UNC5D: variants seen among roughly 807,000 people sequenced by gnomAD.
UNC5D encodes the protein netrin receptor UNC5D.
In UNC5D, 39 loss-of-function variants were observed where a neutral mutation model predicts 105.4. The ratio of observed to expected loss-of-function variants is 0.37; its 90% confidence interval spans 0.29 to 0.48. The LOEUF (loss-of-function observed/expected upper bound fraction) is 0.48, where lower values mean the gene tolerates loss of function less well. Among genes scored for constraint, UNC5D ranks in the 20% least tolerant of loss-of-function variants. UNC5D has a pLI of 0.98. For missense variants in UNC5D, 991 were observed against 1,202.4 expected (o/e 0.82, Z 2.60); for synonymous variants, 452 against 450.4 (o/e 1.00, Z -0.04).
At chr8:35,405,374 G>A (rs563883703) in intron 1 of UNC5D, among the ~76,000 whole-genome samples, 1 of 152,284 alleles carries the variant, frequency 6.6e-6, no homozygotes, top group South Asian at 2.1e-4. Flanking sequence ...AAATTCCATA[G>A]ACTGAATAGA....
chr8:35,506,900 G>C (rs927605437), intron 1 of UNC5D, among the ~76,000 whole-genome samples: 2 of 152,102 alleles, frequency 1.3e-5, no homozygotes, highest in African/African-American at 4.8e-5. Flanking sequence ...TGTCAAACTC[G>C]AGGAGCAAAT....
intron 1 of UNC5D, among the ~76,000 whole-genome samples, chr8:35,275,045 C>T (rs1275373544): frequency 6.6e-6 from 1 of 151,578 alleles, no homozygotes; most frequent in African/African-American, 2.4e-5. Context: ...GAGCCAAGAT[C>T]GCACCACTGC....
intron 11 of UNC5D, among the ~76,000 whole-genome samples, chr8:35,739,314 G>C (rs1829632265): frequency 6.6e-6 from 1 of 152,002 alleles, no homozygotes; most frequent in Non-Finnish European, 1.5e-5. Flanking sequence ...CAAAATAAGT[G>C]AGCAGAGGAA....
At chr8:35,242,296 G>C (rs1186319861) in intron 1 of UNC5D, among the ~76,000 whole-genome samples, 1 of 152,102 alleles carries the variant, frequency 6.6e-6, no homozygotes, top group Non-Finnish European at 1.5e-5. Context: ...AGTCAGAGGG[G>C]AAATGACATC....
At chr8:35,426,656 A>G (rs1337262787) in intron 1 of UNC5D, among the ~76,000 whole-genome samples, 1 of 152,204 alleles carries the variant, frequency 6.6e-6, no homozygotes, top group African/African-American at 2.4e-5. Flanking sequence ...TTATTTGTAC[A>G]GTTACCATCC....
intron 1 of UNC5D, among the ~76,000 whole-genome samples, chr8:35,372,311 G>A (rs1802467789): frequency 6.6e-6 from 1 of 151,920 alleles, no homozygotes; most frequent in South Asian, 2.1e-4. Flanking sequence ...TTTTGGTAGA[G>A]ACAGGGTTTT....
chr8:35,325,265 T>C (rs1363898806), intron 1 of UNC5D, among the ~76,000 whole-genome samples: 1 of 152,186 alleles, frequency 6.6e-6, no homozygotes. Context: ...GCATTAGGGA[T>C]GAATAAAACA....
intron 1 of UNC5D, among the ~76,000 whole-genome samples, chr8:35,496,492 G>A (rs992873872): frequency 2.6e-5 from 4 of 152,100 alleles, no homozygotes; most frequent in African/African-American, 9.7e-5. Flanking sequence ...GGAGCAAGAT[G>A]GAAAGAGATA....
At chr8:35,381,136 G>T (rs1803021523) in intron 1 of UNC5D, among the ~76,000 whole-genome samples, 1 of 152,072 alleles carries the variant, frequency 6.6e-6, no homozygotes, top group African/African-American at 2.4e-5. Flanking sequence ...ATATAAGGCA[G>T]TCAAATTGGT....
At chr8:35,292,326 C>T (rs1331681118) in intron 1 of UNC5D, among the ~76,000 whole-genome samples, 1 of 152,174 alleles carries the variant, frequency 6.6e-6, no homozygotes, top group East Asian at 1.9e-4. Flanking sequence ...GAGGATTTTA[C>T]TCACTTTGCC....
intron 4 of UNC5D, among the ~76,000 whole-genome samples, chr8:35,671,436 C>T (rs1824796327): frequency 6.6e-6 from 1 of 152,170 alleles, no homozygotes; most frequent in African/African-American, 2.4e-5. Flanking sequence ...TGAACAGCAA[C>T]ATGTCTACCT....
chr8:35,258,649 T>C (rs1804243862), intron 1 of UNC5D, among the ~76,000 whole-genome samples: 1 of 152,136 alleles, frequency 6.6e-6, no homozygotes, highest in Non-Finnish European at 1.5e-5. Flanking sequence ...CTACATTTAT[T>C]ATTAATACTA....
At chr8:35,587,929 G>A (rs1818890267) in intron 3 of UNC5D, among the ~76,000 whole-genome samples, 1 of 134,760 alleles carries the variant, frequency 7.4e-6, no homozygotes, top group East Asian at 2.3e-4. Context: ...AAAATGTTTA[G>A]TAATTTCTTT....
chr8:35,505,457 A>G (rs189475539), intron 1 of UNC5D, among the ~76,000 whole-genome samples: 1 of 152,372 alleles, frequency 6.6e-6, no homozygotes, highest in East Asian at 1.9e-4. Flanking sequence ...TCCTGACAGT[A>G]GAAAGGCTAG....
At chr8:35,660,956 G>A (rs1001958953) in intron 4 of UNC5D, among the ~76,000 whole-genome samples, 1 of 151,944 alleles carries the variant, frequency 6.6e-6, no homozygotes, top group Non-Finnish European at 1.5e-5. Context: ...AAACTAGCTG[G>A]GCATGGTGGC....
At chr8:35,548,644 G>A (rs915806572) in intron 1 of UNC5D, among the ~76,000 whole-genome samples, 2 of 152,112 alleles carry the variant, frequency 1.3e-5, no homozygotes, top group African/African-American at 2.4e-5. Context: ...AGCTATTAGC[G>A]ATTTGTGTTC....
chr8:35,499,799 T>C (rs978028950), intron 1 of UNC5D, among the ~76,000 whole-genome samples: 6 of 152,218 alleles, frequency 3.9e-5, no homozygotes, highest in African/African-American at 9.6e-5. Flanking sequence ...TTCTATTGCT[T>C]CTCAGCTATT....
At chr8:35,388,135 AG>A (rs1455964431) in intron 1 of UNC5D, among the ~76,000 whole-genome samples, 1 of 152,068 alleles carries the variant, frequency 6.6e-6, no homozygotes, top group African/African-American at 2.4e-5. Flanking sequence ...GCACTTTGGG[AG>A]GCCGAGGTGG....
chr8:35,596,063 T>A (rs1178147590), intron 4 of UNC5D, among the ~76,000 whole-genome samples: 1 of 152,208 alleles, frequency 6.6e-6, no homozygotes, highest in East Asian at 1.9e-4. Flanking sequence ...CCAGTCCCAG[T>A]GTCACTGGTG....
Sources: allele counts gnomAD v4.1 joint callset (sites outside exome capture counted in the v4.1 genomes callset), GRCh38; gene constraint gnomAD v4.1.1; transcripts MANE v1.5; gene names NCBI Gene and HGNC (gene_info 2026-07-23, HGNC 2026-07-21).